GABRA2: variants seen among roughly 807,000 people sequenced by gnomAD.
GABRA2 encodes gamma-aminobutyric acid receptor subunit alpha-2.
Under a neutral mutation model 48.7 loss-of-function variants are expected in GABRA2, and 16 were observed. The ratio of observed to expected loss-of-function variants is 0.33; its 90% CI spans 0.22 to 0.50. The LOEUF is 0.50. GABRA2 is among the 20% of genes least tolerant of loss of function. The pLI is 0.98. For synonymous variants in GABRA2, 185 were observed against 184.5 expected (o/e 1.00, Z -0.02); for missense variants, 275 against 535.6 (o/e 0.51, Z 4.80).
At chr4:46,298,796 G>A (rs1725212326) in intron 8 of GABRA2, among the ~76,000 whole-genome samples, 1 of 151,770 alleles carries the variant, frequency 6.6e-6, no homozygotes, top group Admixed American at 6.6e-5. Context: ...GGCACTAACA[G>A]GTGAAGATAT....
At chr4:46,332,718 A>G (rs868764823) in intron 3 of GABRA2, 36 bp from the exon 4 acceptor site, 3 of 1,203,322 alleles carry the variant, frequency 2.5e-6, no homozygotes, top group African/African-American at 1.5e-5. Context: ...TAGATATTAT[A>G]TAATAAGAGC....
intron 3 of GABRA2, among the ~76,000 whole-genome samples, chr4:46,339,562 T>C (rs952061695): frequency 6.6e-5 from 10 of 151,890 alleles, no homozygotes; most frequent in African/African-American, 9.7e-5. Flanking sequence ...TATTATAGCC[T>C]AACAAAGAGA....
Position 46,246,111 on chromosome 4 carries a change from G to A in GABRA2, c.*4197C>T, listed in dbSNP as rs1713671092. 6.6e-6 allele frequency among the ~76,000 whole-genome samples: 1 copy of A among 150,576 alleles called. No homozygotes were observed. The stretch of plus-strand genomic sequence containing the variant: ...TTTAGTTATGATGCTTACTATGATA[G>A]AATAACGACTCTTAAAATATTTGTG... On this transcript the variant is annotated 3_prime_UTR_variant, in exon 10 of 10. Transcript: ENST00000381620.
In GABRA2 at chr4:46,356,419, A is replaced by T. The variant is rs376407526; in HGVS notation, c.188-23737T>A. On this transcript the variant is annotated intron_variant, in intron 3 of 9. Coordinates refer to ENST00000381620, the MANE Select transcript of GABRA2 (RefSeq NM_000807.4). The stretch of plus-strand genomic sequence containing the variant: ...AAAACATACTTGCAATTATCTGGGG[A>T]TATGGTAAACTCACTAAGAAAAAAA... 2.1e-4 allele frequency among the ~76,000 whole-genome samples: 29 copies of T among 136,966 alleles called. No individual in the cohort carries two copies. In the South Asian group the frequency reaches 6.9e-3, roughly 33 times the overall value. The allele number at this position is 136,966 out of a possible 152,430, so 89.9% of individuals were successfully genotyped here.
At chr4:46,344,645 G>C (rs1476657913) in intron 3 of GABRA2, among the ~76,000 whole-genome samples, 2 of 151,700 alleles carry the variant, frequency 1.3e-5, no homozygotes, top group South Asian at 4.1e-4. Context: ...CAATGACAGA[G>C]GAAAATTTTC....
rs1180618754 is a variant in GABRA2 at position 46,248,262 on chromosome 4, G to A, written c.*2046C>T. ...ACCATATAGAGCAATTTCATTGCTT[G>A]CCTTCTGGCATTGTGTACTTCCTTA... On this transcript the variant is annotated 3_prime_UTR_variant, in exon 10 of 10. Coordinates refer to ENST00000381620, the MANE Select transcript of GABRA2 (RefSeq NM_000807.4). Among the ~76,000 whole-genome samples, 1 of 151,264 alleles carries A rather than the reference G, an allele frequency of 6.6e-6. No individual in the cohort carries two copies. Among genetic ancestry groups the A allele is most frequent in the Admixed American group, 6.6e-5 (1 of 15,084 alleles).
At chr4:46,257,797 G>A (rs531644917) in intron 9 of GABRA2, among the ~76,000 whole-genome samples, 1 of 151,584 alleles carries the variant, frequency 6.6e-6, no homozygotes, top group Non-Finnish European at 1.5e-5. Flanking sequence ...AAAAGTATGA[G>A]AGATGGTGAA....
At chr4:46,352,983 A>G (rs1339475116) in intron 3 of GABRA2, among the ~76,000 whole-genome samples, 1 of 152,122 alleles carries the variant, frequency 6.6e-6, no homozygotes. Context: ...CATACACTTT[A>G]AAGTTTCAGC....
At chr4:46,356,837 C>T (rs879925809) in intron 3 of GABRA2, among the ~76,000 whole-genome samples, 46 of 152,274 alleles carry the variant, frequency 3.0e-4, no homozygotes, top group Middle Eastern at 3.4e-3. Flanking sequence ...CTATTCACTA[C>T]CCATAAATAC....
chr4:46,255,488 T>A (rs1715635117), intron 9 of GABRA2, among the ~76,000 whole-genome samples: 1 of 151,574 alleles, frequency 6.6e-6, no homozygotes, highest in African/African-American at 2.4e-5. Context: ...TACTTGTGAT[T>A]TAGACCCATA....
chr4:46,382,333 A>G (rs1327389174), intron 3 of GABRA2, among the ~76,000 whole-genome samples: 1 of 152,012 alleles, frequency 6.6e-6, no homozygotes, highest in Non-Finnish European at 1.5e-5. Context: ...AGGTGAGATC[A>G]GTGGATACAC....
intron 3 of GABRA2, among the ~76,000 whole-genome samples, chr4:46,356,965 C>T (rs1736075514): frequency 6.6e-6 from 1 of 151,772 alleles, no homozygotes; most frequent in Non-Finnish European, 1.5e-5. Context: ...AGAGTTGTGT[C>T]CTGTTTTCTG....
rs542221597 is a variant in GABRA2, at chr4:46,309,646, T to G, written c.559+527A>C. Among the ~76,000 whole-genome samples the G allele has an allele frequency of 1.3e-4, 20 of 152,110 alleles. No homozygotes were observed. In the South Asian group the frequency reaches 3.7e-3, roughly 28 times the overall value. On this transcript the variant is annotated intron_variant, in intron 6 of 9. Transcript: ENST00000381620. Reference sequence around the variant, plus strand: ...ACTGCACAGACCCTTTTCTGAAATGTCCTATGTACATAGAAGGTGCCAGAA... The same window carrying G: ...ACTGCACAGACCCTTTTCTGAAATGGCCTATGTACATAGAAGGTGCCAGAA...
intron 6 of GABRA2, 120 bp from the exon 7 acceptor site, chr4:46,305,831 T>C (rs1473130945): frequency 1.9e-5 from 13 of 692,872 alleles, no homozygotes; most frequent in Non-Finnish European, 3.0e-5. Context: ...TAGTTAAACA[T>C]CACATTTAGG....
chr4:46,377,296 C>T (rs1461684039), intron 3 of GABRA2, among the ~76,000 whole-genome samples: 24 of 151,496 alleles, frequency 1.6e-4, no homozygotes, highest in Non-Finnish European at 2.5e-4. Context: ...TGAGGAGCGC[C>T]TCTTCCCGGC....
chr4:46,338,468 TA>T (rs1185696386), intron 3 of GABRA2, among the ~76,000 whole-genome samples: 10 of 151,998 alleles, frequency 6.6e-5, no homozygotes, highest in Non-Finnish European at 1.5e-4. Context: ...CAATCTTCAA[TA>T]ATTATTTTAA....
intron 9 of GABRA2, among the ~76,000 whole-genome samples, chr4:46,251,547 T>C (rs1489438152): frequency 1.3e-5 from 2 of 151,440 alleles, no homozygotes; most frequent in African/African-American, 4.8e-5. Context: ...AAACCTGATA[T>C]ACCATCTCCC....
At chr4:46,293,307 G>T (rs534286480) in intron 8 of GABRA2, among the ~76,000 whole-genome samples, 4 of 152,186 alleles carry the variant, frequency 2.6e-5, no homozygotes, top group African/African-American at 4.8e-5. Context: ...CCTTGAGAAG[G>T]GACCCCACCA....
intron 8 of GABRA2, among the ~76,000 whole-genome samples, chr4:46,264,703 G>A (rs750371858): frequency 3.3e-5 from 5 of 151,800 alleles, no homozygotes; most frequent in Non-Finnish European, 4.4e-5. Context: ...GCCTTATAAA[G>A]TGAGTCAGGA....
Sources: allele counts gnomAD v4.1 joint callset (sites outside exome capture counted in the v4.1 genomes callset), GRCh38; gene constraint gnomAD v4.1.1; transcripts MANE v1.5; gene names NCBI Gene and HGNC (gene_info 2026-07-23, HGNC 2026-07-21).